KIF3A: variants seen among roughly 807,000 people sequenced by gnomAD.
KIF3A encodes kinesin family member 3A, also known as kinesin-like protein KIF3A.
A neutral mutation model predicts 92.6 loss-of-function variants in KIF3A; 27 were observed. The ratio of observed to expected loss-of-function variants is 0.29; its 90% CI spans 0.21 to 0.40. KIF3A has a LOEUF of 0.40. KIF3A is among the 10% of genes least tolerant of loss of function. The pLI is 1.00. For missense variants in KIF3A, 581 were observed against 872.6 expected, an observed-to-expected ratio of 0.67 and a Z score of 4.21; for synonymous variants, 250 against 275.4, an observed-to-expected ratio of 0.91 and a Z score of 0.92.
intron 2 of KIF3A, among the ~76,000 whole-genome samples, chr5:132,731,449 T>C (rs1754227898): frequency 6.6e-6 from 1 of 152,072 alleles, no homozygotes; most frequent in South Asian, 2.1e-4. Flanking sequence ...AAATCCAATA[T>C]ACAATCCAAA....
At chr5:132,708,402 T>C (rs972817319) in intron 10 of KIF3A, among the ~76,000 whole-genome samples, 1 of 152,216 alleles carries the variant, frequency 6.6e-6, no homozygotes, top group Admixed American at 6.5e-5. Flanking sequence ...CTTCAAGCTT[T>C]ATGTTTTTCT....
downstream of KIF3A, among the ~76,000 whole-genome samples, chr5:132,688,900 A>G (rs1443272873): frequency 6.6e-6 from 1 of 152,198 alleles, no homozygotes; most frequent in Non-Finnish European, 1.5e-5. Context: ...ATTAAAAACT[A>G]AAATTTCCCC....
chr5:132,734,263 A>G lies in KIF3A; in HGVS notation c.222T>C (p.Leu74=). The G allele has an allele frequency of 6.2e-7, 1 of 1,612,908 alleles. No homozygotes were observed. Among genetic ancestry groups the G allele is most frequent in the Non-Finnish European group, 8.5e-7 (1 of 1,178,882 alleles). The change falls in exon 2 of 19, where the codon CTT becomes CTC. Residue 74 remains leucine (L), a synonymous_variant. Coordinates refer to ENST00000403231, the MANE Select transcript of KIF3A (RefSeq NM_001300791.2). Reference sequence around the variant, plus strand: ...GTCTTGCAGTTAAGTTATAAACATCAAGTTGTTTACTCTCTGGTCCAAAAA... The same window carrying G: ...GTCTTGCAGTTAAGTTATAAACATCGAGTTGTTTACTCTCTGGTCCAAAAA... ...DTVFGPESKQ[L]DVYNLTARPI...
intron 8 of KIF3A, among the ~76,000 whole-genome samples, chr5:132,713,434 T>C (rs1479559920): frequency 6.6e-6 from 1 of 152,228 alleles, no homozygotes; most frequent in East Asian, 1.9e-4. Flanking sequence ...TGTTTGCAAG[T>C]TGCATATAGC....
At position 132,726,376 on chromosome 5, in the gene KIF3A, C is replaced by A; in HGVS notation, c.403G>T (p.Ala135Ser). ...NSFAHIFGHI[A>S]KAEGDTRFLV... ...TACCTTGTATCACCCTCCGCTTTTG[C>A]AATATGACCAAATATGTGAGCAAAT... The change falls in exon 3 of 19, where the codon GCA (alanine) becomes TCA (serine). Residue 135 changes from alanine to serine, a missense_variant. Ala to Ser is a moderately conservative substitution (Grantham distance 99, BLOSUM62 1). This residue lies in a region of KIF3A where 217 missense variants were observed against 299.7 expected (regional missense o/e 0.72). Transcript: ENST00000403231. 6.2e-7 allele frequency: 1 copy of A among 1,613,686 alleles called. No individual in the cohort carries two copies. The highest frequency in any genetic ancestry group is 8.5e-7 in the Non-Finnish European group (1 of 1,179,714).
chr5:132,718,836 A>G (rs967231274), intron 5 of KIF3A, among the ~76,000 whole-genome samples: 2 of 151,080 alleles, frequency 1.3e-5, no homozygotes, highest in African/African-American at 4.9e-5. Context: ...GCCATGTTGC[A>G]CAGGCTGGTC....
intron 10 of KIF3A, among the ~76,000 whole-genome samples, chr5:132,708,042 G>A (rs1247751858): frequency 6.6e-6 from 1 of 152,096 alleles, no homozygotes; most frequent in African/African-American, 2.4e-5. Flanking sequence ...CCAGCACTTT[G>A]GGAGGCCGAG....
At chr5:132,700,838 T>G (rs1231673799) in intron 15 of KIF3A, 138 bp from the exon 16 acceptor site, 3 of 521,196 alleles carry the variant, frequency 5.8e-6, no homozygotes, top group Non-Finnish European at 1.0e-5. Context: ...TTTTTATAAA[T>G]TCTAAAATAC....
intron 2 of KIF3A, among the ~76,000 whole-genome samples, chr5:132,730,710 G>T (rs1257660265): frequency 6.6e-6 from 1 of 151,636 alleles, no homozygotes; most frequent in East Asian, 2.0e-4. Flanking sequence ...TGGGAGGATC[G>T]CTTGAGCCCG....
At chr5:132,709,936 C>T (rs1380433782) in intron 9 of KIF3A, among the ~76,000 whole-genome samples, 3 of 152,070 alleles carry the variant, frequency 2.0e-5, no homozygotes, top group Non-Finnish European at 4.4e-5. Flanking sequence ...ATTTGGGACT[C>T]CTAATCAAGC....
chr5:132,703,121 T>C (rs1465907135), intron 12 of KIF3A, 56 bp from the exon 13 acceptor site: 2 of 1,430,830 alleles, frequency 1.4e-6, no homozygotes, highest in Non-Finnish European at 1.9e-6. Context: ...ATTCTACTAA[T>C]ATCATTTCCC....
In KIF3A at chr5:132,710,960, CCTT is replaced by C; in HGVS notation, c.1224_1226del (p.Arg409del). 3 of 1,613,608 alleles carry C rather than the reference CCTT, an allele frequency of 1.9e-6. No homozygotes were observed. The highest frequency in any genetic ancestry group is 2.5e-6 in the Non-Finnish European group (3 of 1,179,712). On this transcript the variant is annotated inframe_deletion and splice_region_variant, in exon 9 of 19. Coordinates refer to ENST00000403231, the MANE Select transcript of KIF3A (RefSeq NM_001300791.2). The stretch of plus-strand genomic sequence containing the variant: ...ATCAGATTACTAAACAGAACTTACC[CCTT>C]CTTTTTTTCCTTTTCTCTCCATCTT...
At chr5:132,710,236 T>A (rs765367505) in intron 9 of KIF3A, among the ~76,000 whole-genome samples, 17 of 152,236 alleles carry the variant, frequency 1.1e-4, no homozygotes, top group Non-Finnish European at 2.4e-4. Context: ...GAATTCCTCA[T>A]ACAAATTTAC....
chr5:132,712,623 A>G (rs1302790275), intron 8 of KIF3A, among the ~76,000 whole-genome samples: 3 of 152,228 alleles, frequency 2.0e-5, no homozygotes, highest in African/African-American at 7.2e-5. Flanking sequence ...AAAGTATGAC[A>G]AGAAACAGGA....
chr5:132,726,263 G>T (rs766387290), intron 3 of KIF3A, 51 bp from the exon 4 acceptor site: 1 of 1,572,414 alleles, frequency 6.4e-7, no homozygotes. Flanking sequence ...TCATAAGAAC[G>T]GTTTTAAAAT....
chr5:132,703,490 T>C lies in KIF3A; in HGVS notation c.1439A>G (p.Lys480Arg), dbSNP rs200981847. The change falls in exon 12 of 19, where the codon AAA becomes AGA. Residue 480 changes from lysine to arginine, a missense_variant. Around this residue, in one of 5 missense-constraint regions of KIF3A, gnomAD observed 167 missense variants for 205.8 expected, o/e 0.81. Transcript: ENST00000403231. ...GGCTTTAAGAAGATCTTTTTCCCGT[T>C]TCTCTAATTCAGCTCTAGCCTTGTT... ...ERNKARAELEKREKDLLKAQQ... is the reference protein window; with the variant it reads ...ERNKARAELERREKDLLKAQQ... The C allele has an allele frequency of 3.7e-6, 6 of 1,611,064 alleles. No homozygotes were observed. The highest frequency in any genetic ancestry group is 5.1e-6 in the Non-Finnish European group (6 of 1,178,574).
intron 4 of KIF3A, among the ~76,000 whole-genome samples, chr5:132,724,792 TAAA>T (rs756540926): frequency 0.013 from 808 of 64,346 alleles, 43 homozygotes; most frequent in Middle Eastern, 0.039. Flanking sequence ...TAAAGTATAA[TAAA>T]AAAAAAAAAA....
At chr5:132,701,034 G>T (rs1468216085) in intron 15 of KIF3A, among the ~76,000 whole-genome samples, 1 of 151,596 alleles carries the variant, frequency 6.6e-6, no homozygotes, top group African/African-American at 2.4e-5. Flanking sequence ...TTTGGGTGAT[G>T]AGTTCATTAC....
At chr5:132,733,152 C>T (rs1417974895) in intron 2 of KIF3A, among the ~76,000 whole-genome samples, 1 of 152,024 alleles carries the variant, frequency 6.6e-6, no homozygotes, top group African/African-American at 2.4e-5. Flanking sequence ...CTAATGGATA[C>T]AGGGTTTCTT....
Sources: allele counts gnomAD v4.1 joint callset (sites outside exome capture counted in the v4.1 genomes callset), GRCh38; gene constraint gnomAD v4.1.1; regional missense constraint gnomAD v4.1.1; transcripts MANE v1.5; gene names NCBI Gene and HGNC (gene_info 2026-07-23, HGNC 2026-07-21).